CTNNA3: variants seen among roughly 807,000 people sequenced by gnomAD.
CTNNA3 encodes the protein catenin alpha-3.
In CTNNA3, 76 loss-of-function variants were observed where a neutral mutation model predicts 95.7. The observed-to-expected ratio is 0.79, with a 90% CI of 0.66 to 0.96. The LOEUF (loss-of-function observed/expected upper bound fraction) is 0.96, where lower values mean the gene tolerates loss of function less well. CTNNA3 is among the 40% of genes least tolerant of loss of function. CTNNA3 has a pLI of 0.00. For missense variants in CTNNA3, 1,191 were observed against 1,089.8 expected, an observed-to-expected ratio of 1.09 and a Z score of -1.31; for synonymous variants, 431 against 374.4, an observed-to-expected ratio of 1.15 and a Z score of -1.74.
Position 66,338,299 on chromosome 10 carries a change from G to A in CTNNA3, c.1732+40853C>T, listed in dbSNP as rs143249539. On this transcript the variant is annotated intron_variant, in intron 12 of 17. Transcript: ENST00000433211. ...AATTGGTTGCCTGGGCCTGGAGGTC[G>A]GAAGGATTAATAGCAAATAGACATA... is the stretch of plus-strand genomic sequence containing the variant. Among the ~76,000 whole-genome samples, 641 of 152,082 alleles carry A rather than the reference G, an allele frequency of 4.2e-3. 5 individuals are homozygous for A. Among genetic ancestry groups the A allele is most frequent in the African/African-American group, 0.015 (604 of 41,556 alleles).
intron 15 of CTNNA3, among the ~76,000 whole-genome samples, chr10:66,051,199 T>C (rs1362332098): frequency 6.6e-6 from 1 of 152,200 alleles, no homozygotes; most frequent in Non-Finnish European, 1.5e-5. Flanking sequence ...TTACATTTAT[T>C]ATTCCTCTAA....
rs114559465 is a variant in CTNNA3 at position 66,818,552 on chromosome 10, T to A, written c.1048-43028A>T. Among the ~76,000 whole-genome samples, 307 of 152,228 alleles carry A rather than the reference T, an allele frequency of 2.0e-3. 1 individual carries two copies. The highest frequency in any genetic ancestry group is 6.8e-3 in the African/African-American group (284 of 41,538). ...ATAGAAACAAATTTAACAAAGGAAG[T>A]TCAAGACTTGCATACTGCCTACAAA... On this transcript the variant is annotated intron_variant, in intron 7 of 17. Transcript: ENST00000433211.
In CTNNA3 at chr10:67,374,516, C is replaced by T. The variant is rs945721628; in HGVS notation, c.579+147326G>A. On this transcript the variant is annotated intron_variant, in intron 5 of 17. Transcript: ENST00000433211. ...ATATTCTTATTCATCCGATCTTATT[C>T]ATCAGATTTACTTCTTTTATATTGG... Among the ~76,000 whole-genome samples the T allele has an allele frequency of 1.2e-4, 19 of 152,286 alleles. 1 individual carries two copies. The South Asian group carries it at 2.7e-3, about 22-fold the overall frequency.
intron 11 of CTNNA3, among the ~76,000 whole-genome samples, chr10:66,444,146 C>T (rs769041062): frequency 2.0e-5 from 3 of 152,138 alleles, no homozygotes; most frequent in African/African-American, 7.2e-5. Flanking sequence ...AAGAAACGAA[C>T]AAAGCCTCCA....
intron 10 of CTNNA3, among the ~76,000 whole-genome samples, chr10:66,528,089 A>G (rs1841332166): frequency 6.6e-6 from 1 of 152,080 alleles, no homozygotes; most frequent in African/African-American, 2.4e-5. Context: ...TATTCCAAGG[A>G]CATTCCCTGC....
intron 5 of CTNNA3, among the ~76,000 whole-genome samples, chr10:67,390,469 A>C (rs201804737): frequency 0.18 from 26,763 of 151,660 alleles, 3,380 homozygotes; most frequent in African/African-American, 0.34. Flanking sequence ...CGAATTCTAC[A>C]AGAGGTACAA....
At chr10:66,021,763 G>A (rs1456910754) in intron 15 of CTNNA3, among the ~76,000 whole-genome samples, 3 of 147,686 alleles carry the variant, frequency 2.0e-5, no homozygotes, top group African/African-American at 7.5e-5. Context: ...ACTAAACTTA[G>A]AATATTTTTA....
chr10:65,927,513 A>C (rs1411828970), intron 17 of CTNNA3, among the ~76,000 whole-genome samples: 2 of 152,216 alleles, frequency 1.3e-5, no homozygotes, highest in African/African-American at 2.4e-5. Context: ...ACCACAGATT[A>C]GATGTATATT....
chr10:66,992,414 C>A (rs1851090644), intron 7 of CTNNA3, among the ~76,000 whole-genome samples: 1 of 151,982 alleles, frequency 6.6e-6, no homozygotes. Context: ...CCTCCTCCTC[C>A]ACTCCTCTTT....
intron 7 of CTNNA3, among the ~76,000 whole-genome samples, chr10:66,861,470 G>T (rs1189563414): frequency 2.6e-5 from 4 of 152,118 alleles, no homozygotes; most frequent in Admixed American, 6.6e-5. Context: ...AATGGAATGG[G>T]GTCCTGTCCT....
intron 7 of CTNNA3, among the ~76,000 whole-genome samples, chr10:66,916,049 C>G (rs1846477598): frequency 6.6e-6 from 1 of 151,976 alleles, no homozygotes; most frequent in Non-Finnish European, 1.5e-5. Context: ...GTGCCCAGTC[C>G]TTGACATATA....
At chr10:66,952,182 C>T (rs139658818) in intron 7 of CTNNA3, among the ~76,000 whole-genome samples, 1 of 152,300 alleles carries the variant, frequency 6.6e-6, no homozygotes, top group African/African-American at 2.4e-5. Context: ...AGCTGTCACA[C>T]AGCCACACAG....
chr10:66,804,117 A>G (rs1032531785), intron 7 of CTNNA3, among the ~76,000 whole-genome samples: 3 of 152,104 alleles, frequency 2.0e-5, no homozygotes, highest in Admixed American at 2.0e-4. Context: ...ACTGCCTACT[A>G]TAATTGGCTC....
At chr10:66,821,160 C>T (rs1018668487) in intron 7 of CTNNA3, among the ~76,000 whole-genome samples, 6 of 152,012 alleles carry the variant, frequency 3.9e-5, no homozygotes, top group African/African-American at 7.2e-5. Context: ...CACATAGTTT[C>T]CTTGTAAATT....
chr10:65,925,789 G>T (rs1474488769), intron 17 of CTNNA3, among the ~76,000 whole-genome samples: 1 of 151,976 alleles, frequency 6.6e-6, no homozygotes, highest in Non-Finnish European at 1.5e-5. Flanking sequence ...TTTCACTGTA[G>T]TATATAAGTG....
intron 10 of CTNNA3, among the ~76,000 whole-genome samples, chr10:66,585,911 A>G (rs1312289306): frequency 6.6e-6 from 1 of 152,038 alleles, no homozygotes; most frequent in East Asian, 1.9e-4. Context: ...TTATTTTAAA[A>G]TTAGTTTTTG....
intron 4 of CTNNA3, 97 bp from the exon 5 acceptor site, chr10:67,522,058 T>G: frequency 8.2e-7 from 1 of 1,217,622 alleles, no homozygotes; most frequent in Non-Finnish European, 1.2e-6. Flanking sequence ...AGCCTCAGTT[T>G]CTCCCATTCA....
chr10:67,007,500 C>T, intron 7 of CTNNA3, among the ~76,000 whole-genome samples: 1 of 151,698 alleles, frequency 6.6e-6, no homozygotes, highest in Non-Finnish European at 1.5e-5. Context: ...AGGACTTTCA[C>T]ACTGTAGGCA....
At chr10:66,647,039 C>T (rs557143901) in intron 9 of CTNNA3, among the ~76,000 whole-genome samples, 46 of 151,842 alleles carry the variant, frequency 3.0e-4, no homozygotes, top group Non-Finnish European at 4.1e-4. Context: ...AAAAAGAATG[C>T]GGCTGCACCT....
Sources: gnomAD v4.1 joint callset for allele counts (sites outside exome capture counted in the v4.1 genomes callset) on GRCh38, gnomAD v4.1.1 for gene constraint, MANE v1.5 for transcripts, NCBI Gene and HGNC (gene_info 2026-07-23, HGNC 2026-07-21) for gene names.